The following NETO1 variants were observed in gnomAD, a reference collection of about 807,000 sequenced individuals.
The protein encoded by NETO1 is neuropilin and tolloid-like protein 1.
NETO1 carries 26 observed loss-of-function variants against 61.3 expected under a neutral mutation model. That is an observed-to-expected ratio of 0.42 (90% confidence interval 0.31 to 0.59). The LOEUF is 0.59. Ranked by LOEUF, NETO1 falls within the 20% of genes least tolerant of loss-of-function variation. The pLI is 0.12. For missense variants in NETO1, 531 were observed against 662.8 expected (o/e 0.80, Z 2.18); for synonymous variants, 225 against 225.8 (o/e 1.00, Z 0.03).
At chr18:72,802,568 T>A (rs552418414) in intron 4 of NETO1, among the ~76,000 whole-genome samples, 1 of 152,254 alleles carries the variant, frequency 6.6e-6, no homozygotes, top group Non-Finnish European at 1.5e-5. Context: ...TCATCTTTTA[T>A]GTGAATGCTT....
At chr18:72,846,829 T>C (rs1235249498) in intron 4 of NETO1, among the ~76,000 whole-genome samples, 1 of 152,248 alleles carries the variant, frequency 6.6e-6, no homozygotes, top group African/African-American at 2.4e-5. Context: ...CTCTCTGTTT[T>C]AGATCTTACT....
Position 72,830,625 on chromosome 18 carries a change from A to G in NETO1, c.469+28201T>C, listed in dbSNP as rs1242951040. On this transcript the variant is annotated intron_variant, in intron 4 of 10. Coordinates refer to ENST00000327305, the MANE Select transcript of NETO1 (RefSeq NM_138966.5). This position sits in a 1 kb window ranked among gnomAD's most constrained non-coding sequence, Gnocchi z 4.9. ...GGAGGTAGGATGTGGTGGGGAGGGG[A>G]TGGATTTCTCCAGGTTACAGGCAAA... 1.3e-5 allele frequency among the ~76,000 whole-genome samples: 2 copies of G among 152,086 alleles called. No individual in the cohort carries two copies. Among genetic ancestry groups the G allele is most frequent in the Non-Finnish European group, 2.9e-5 (2 of 68,004 alleles).
At chr18:72,859,330 G>A (rs948603709) in intron 3 of NETO1, among the ~76,000 whole-genome samples, 2 of 152,194 alleles carry the variant, frequency 1.3e-5, no homozygotes, top group South Asian at 4.2e-4. Context: ...GACGTTTTGC[G>A]CAGGACTAAC....
intron 4 of NETO1, among the ~76,000 whole-genome samples, chr18:72,842,899 TATA>T (rs1190771664): frequency 6.6e-6 from 1 of 152,220 alleles, no homozygotes; most frequent in Non-Finnish European, 1.5e-5. Context: ...ATACTTGGCA[TATA>T]ATAAGAGCTC....
chr18:72,867,360 C>CG lies in NETO1; in HGVS notation c.-70dup, dbSNP rs2074773171. On this transcript the variant is annotated 5_prime_UTR_variant, in exon 1 of 11. Coordinates refer to ENST00000327305, the MANE Select transcript of NETO1 (RefSeq NM_138966.5). ...TTAGAGACGGGAAGACTTCCAGTGG[C>CG]GGGGGGAGGACAGGGTCGAGAGGTG... 7 of 1,365,324 alleles carry CG rather than the reference C, an allele frequency of 5.1e-6. No homozygotes were observed. The highest frequency in any genetic ancestry group is 2.7e-5 in the East Asian group (1 of 36,574). 84.6% of individuals were successfully genotyped at this position (1,365,324 alleles called of 1,614,324 possible). A position where few individuals can be genotyped will look rare whatever the true frequency, so the allele number is the denominator to read the frequency against.
chr18:72,800,761 T>C (rs2072479041), intron 4 of NETO1, among the ~76,000 whole-genome samples: 1 of 152,146 alleles, frequency 6.6e-6, no homozygotes, highest in Non-Finnish European at 1.5e-5. Context: ...CCTAGAACAG[T>C]GCTTGGGCAT....
At chr18:72,809,971 A>G (rs1294713786) in intron 4 of NETO1, among the ~76,000 whole-genome samples, 1 of 152,240 alleles carries the variant, frequency 6.6e-6, no homozygotes, top group Non-Finnish European at 1.5e-5. Context: ...TAATACCTTC[A>G]GTGTAAATAA....
chr18:72,750,872 T>TACACACACACACAC (rs142668353), intron 8 of NETO1, among the ~76,000 whole-genome samples: 5,014 of 118,606 alleles, frequency 0.042, 234 homozygotes, highest in Admixed American at 0.09. Context: ...CAGCTTAAAA[T>TACACACACACACAC]ACACACACAC....
chr18:72,852,417 G>A (rs532768380), intron 4 of NETO1, among the ~76,000 whole-genome samples: 6 of 152,152 alleles, frequency 3.9e-5, no homozygotes, highest in African/African-American at 9.6e-5. Context: ...GGGTTTCACC[G>A]TGTTAGCCAC....
intron 4 of NETO1, among the ~76,000 whole-genome samples, chr18:72,806,769 C>A (rs746142317): frequency 6.6e-6 from 1 of 152,144 alleles, no homozygotes; most frequent in Non-Finnish European, 1.5e-5. Flanking sequence ...ATTTCTTAGA[C>A]CTGCGATCCA....
rs151290808 is a variant in NETO1 at position 72,764,861 on chromosome 18, T to C, written c.869-8714A>G. On this transcript the variant is annotated intron_variant, in intron 7 of 10. Transcript: ENST00000327305. Reference sequence around the variant, plus strand: ...AAGGCTCAAGACCATCCTTGGGTCCTTTCTTCCCCGGATACCGTTGAGCCA... The same window carrying C: ...AAGGCTCAAGACCATCCTTGGGTCCCTTCTTCCCCGGATACCGTTGAGCCA... 3.0e-3 allele frequency among the ~76,000 whole-genome samples: 457 copies of C among 152,262 alleles called. 1 individual carries two copies. Among genetic ancestry groups the C allele is most frequent in the Middle Eastern group, 0.01 (3 of 294 alleles).
chr18:72,789,231 CACACACACACACACACACAT>C (rs1489234790), intron 6 of NETO1, among the ~76,000 whole-genome samples: 1 of 145,678 alleles, frequency 6.9e-6, no homozygotes, highest in African/African-American at 2.4e-5. Flanking sequence ...CACACACACA[CACACACACACACACACACAT>C]GTGCACAGCA....
chr18:72,850,241 T>C (rs578083689), intron 4 of NETO1, among the ~76,000 whole-genome samples: 1 of 152,126 alleles, frequency 6.6e-6, no homozygotes, highest in South Asian at 2.1e-4. Flanking sequence ...ACTATATTTC[T>C]ACAGTGTTAG....
Position 72,861,071 on chromosome 18 carries a change from G to A in NETO1, c.221-1997C>T, listed in dbSNP as rs142043946. Among the ~76,000 whole-genome samples the A allele has an allele frequency of 8.1e-3, 1,235 of 152,214 alleles. 21 individuals carry two copies. Among genetic ancestry groups the A allele is most frequent in the African/African-American group, 0.029 (1,193 of 41,524 alleles). ...AACTCTATCTGTCATCTTTTAACACGCACTCACCAATTTCCCCTACTAAGA... is the reference window on the plus strand; with the variant it reads ...AACTCTATCTGTCATCTTTTAACACACACTCACCAATTTCCCCTACTAAGA... On this transcript the variant is annotated intron_variant, in intron 3 of 10. Coordinates refer to ENST00000327305, the MANE Select transcript of NETO1 (RefSeq NM_138966.5).
At chr18:72,812,584 A>T (rs1474946194) in intron 4 of NETO1, among the ~76,000 whole-genome samples, 1 of 152,140 alleles carries the variant, frequency 6.6e-6, no homozygotes, top group Non-Finnish European at 1.5e-5. Flanking sequence ...TTTGACCTTT[A>T]TTACTTTTTT....
chr18:72,803,157 C>T (rs1449640316), intron 4 of NETO1, among the ~76,000 whole-genome samples: 1 of 152,114 alleles, frequency 6.6e-6, no homozygotes, highest in Non-Finnish European at 1.5e-5. Flanking sequence ...TGATAAAATT[C>T]AAGTTTCAAG....
chr18:72,801,184 A>C (rs1400103151), intron 4 of NETO1, among the ~76,000 whole-genome samples: 2 of 152,224 alleles, frequency 1.3e-5, no homozygotes, highest in African/African-American at 4.8e-5. Context: ...TGGAAATGCG[A>C]AACTCCGTCA....
chr18:72,764,888 T>C (rs773213909), intron 7 of NETO1, among the ~76,000 whole-genome samples: 8 of 152,290 alleles, frequency 5.3e-5, no homozygotes, highest in Middle Eastern at 3.4e-3. Flanking sequence ...GTTGAGCCAG[T>C]GGCCATCTCT....
At chr18:72,857,371 T>C (rs2145631250) in intron 4 of NETO1, among the ~76,000 whole-genome samples, 1 of 152,256 alleles carries the variant, frequency 6.6e-6, no homozygotes, top group Non-Finnish European at 1.5e-5. Context: ...GAAGAACAGA[T>C]TGGGTGCCAC....
Sources: allele counts gnomAD v4.1 joint callset (sites outside exome capture counted in the v4.1 genomes callset), GRCh38; gene constraint gnomAD v4.1.1; non-coding constraint Gnocchi (gnomAD v3.1); transcripts MANE v1.5; gene names NCBI Gene and HGNC (gene_info 2026-07-23, HGNC 2026-07-21).